PTPRD: variants seen among roughly 807,000 people sequenced by gnomAD.
The protein encoded by PTPRD is protein tyrosine phosphatase receptor type D.
A neutral mutation model predicts 214.5 loss-of-function variants in PTPRD; 34 were observed. The ratio of observed to expected loss-of-function variants is 0.16; its 90% CI spans 0.12 to 0.21. The LOEUF is 0.21. PTPRD is among the 10% of genes least tolerant of loss of function. The probability of loss-of-function intolerance (pLI) is 1.00; values close to 1 mark genes in which losing one functional copy is unlikely to be tolerated. For missense variants in PTPRD, 2,545 were observed against 2,398.7 expected, an observed-to-expected ratio of 1.06 and a Z score of -1.27; for synonymous variants, 1,128 against 845.7, an observed-to-expected ratio of 1.33 and a Z score of -5.79.
intron 3 of PTPRD, among the ~76,000 whole-genome samples, chr9:10,075,639 G>C (rs995592992): frequency 2.0e-5 from 3 of 151,802 alleles, no homozygotes; most frequent in African/African-American, 7.3e-5. Context: ...TTTGCTCAAT[G>C]AATACATCAT....
chr9:9,021,838 A>G (rs2099570856), intron 10 of PTPRD, among the ~76,000 whole-genome samples: 1 of 152,216 alleles, frequency 6.6e-6, no homozygotes, highest in Non-Finnish European at 1.5e-5. Flanking sequence ...GTACAGCTGT[A>G]CAATGTGTGC....
chr9:9,403,754 T>C (rs1472499503), intron 8 of PTPRD, among the ~76,000 whole-genome samples: 1 of 152,136 alleles, frequency 6.6e-6, no homozygotes, highest in African/African-American at 2.4e-5. Flanking sequence ...TTTTGTATTC[T>C]ATTTTAGGCA....
At chr9:8,831,990 A>G (rs1601270637) in intron 11 of PTPRD, among the ~76,000 whole-genome samples, 1 of 152,048 alleles carries the variant, frequency 6.6e-6, no homozygotes, top group East Asian at 1.9e-4. Flanking sequence ...CAGGAAAATT[A>G]TTTGAACAGC....
chr9:8,339,829 G>GTATT (rs959577539), intron 42 of PTPRD, among the ~76,000 whole-genome samples: 29 of 108,510 alleles, frequency 2.7e-4, no homozygotes, highest in African/African-American at 9.3e-4. Flanking sequence ...TATTTTATGT[G>GTATT]TATTTCAAAA....
At chr9:10,357,534 G>C (rs185879825) in intron 2 of PTPRD, among the ~76,000 whole-genome samples, 1 of 152,146 alleles carries the variant, frequency 6.6e-6, no homozygotes, top group Non-Finnish European at 1.5e-5. Context: ...CAGCTAATAC[G>C]TATGCAAAGT....
At chr9:8,412,460 C>G (rs1432112466) in intron 35 of PTPRD, among the ~76,000 whole-genome samples, 1 of 152,090 alleles carries the variant, frequency 6.6e-6, no homozygotes, top group Non-Finnish European at 1.5e-5. Context: ...CCATGGATAA[C>G]AAGGTCCCAG....
At chr9:9,809,047 G>A (rs9407441) in intron 5 of PTPRD, among the ~76,000 whole-genome samples, 85,303 of 150,764 alleles carry the variant, frequency 0.57, 26,955 homozygotes, top group East Asian at 0.88. Flanking sequence ...TAGTCTCACA[G>A]AGACCTAGGA....
intron 2 of PTPRD, among the ~76,000 whole-genome samples, chr9:10,461,756 G>A (rs1294143550): frequency 6.6e-6 from 1 of 151,924 alleles, no homozygotes; most frequent in South Asian, 2.1e-4. Context: ...CTGAGTAACT[G>A]GGATTACAGG....
chr9:8,974,894 C>T (rs991295223), intron 11 of PTPRD, among the ~76,000 whole-genome samples: 1 of 151,446 alleles, frequency 6.6e-6, no homozygotes, highest in Non-Finnish European at 1.5e-5. Flanking sequence ...GTCAGGAGTT[C>T]GAGACCAGCC....
At chr9:10,253,920 C>A (rs1012191035) in intron 3 of PTPRD, among the ~76,000 whole-genome samples, 12 of 152,132 alleles carry the variant, frequency 7.9e-5, no homozygotes, top group African/African-American at 1.4e-4. Context: ...GCCAGCAATG[C>A]AGCTTTTTTA....
Position 9,288,173 on chromosome 9 carries a change from G to T in PTPRD, c.-202-104810C>A, listed in dbSNP as rs968052662. On this transcript the variant is annotated intron_variant, in intron 9 of 45. Coordinates refer to ENST00000381196, the MANE Select transcript of PTPRD (RefSeq NM_002839.4). ...TCCTATAAAAGGAATGTTTTATAAA[G>T]ATTTTTTCTTCATTATATCTTAAGA... 2.6e-5 allele frequency among the ~76,000 whole-genome samples: 4 copies of T among 151,664 alleles called. No individual in the cohort carries two copies. In the East Asian group the frequency reaches 5.9e-4, roughly 22 times the overall value.
chr9:10,347,286 T>A (rs2097101426), intron 2 of PTPRD, among the ~76,000 whole-genome samples: 1 of 152,208 alleles, frequency 6.6e-6, no homozygotes, highest in Admixed American at 6.5e-5. Context: ...TATTTCTTTG[T>A]AAATAAAATT....
chr9:10,312,131 C>T (rs2096282131), intron 3 of PTPRD, among the ~76,000 whole-genome samples: 1 of 151,922 alleles, frequency 6.6e-6, no homozygotes. Flanking sequence ...AGTAGTCAGA[C>T]ATGATTTGGT....
At chr9:8,553,160 T>C (rs1465661320) in intron 14 of PTPRD, among the ~76,000 whole-genome samples, 1 of 152,206 alleles carries the variant, frequency 6.6e-6, no homozygotes, top group Non-Finnish European at 1.5e-5. Context: ...CTTTACAAAG[T>C]ATATTATGGC....
chr9:8,486,548 C>A, intron 27 of PTPRD, 199 bp from the exon 28 acceptor site: 1 of 701,620 alleles, frequency 1.4e-6, no homozygotes, highest in Non-Finnish European at 2.6e-6. Context: ...GGCTGAGATA[C>A]TAGAATTTGA....
At chr9:9,515,182 CT>C (rs1272920209) in intron 8 of PTPRD, among the ~76,000 whole-genome samples, 4 of 152,030 alleles carry the variant, frequency 2.6e-5, no homozygotes, top group African/African-American at 9.7e-5. Flanking sequence ...GTATAGAAGT[CT>C]TTTGTAAACA....
At chr9:9,536,644 C>T (rs769660049) in intron 8 of PTPRD, among the ~76,000 whole-genome samples, 5 of 152,106 alleles carry the variant, frequency 3.3e-5, no homozygotes, top group South Asian at 2.1e-4. Flanking sequence ...AGGTAAGCAG[C>T]GCCGTCATCA....
intron 7 of PTPRD, among the ~76,000 whole-genome samples, chr9:9,625,384 G>C (rs2095388387): frequency 6.6e-6 from 1 of 152,154 alleles, no homozygotes; most frequent in African/African-American, 2.4e-5. Context: ...GGCGCATGCT[G>C]TTAGAGTGGC....
At chr9:9,110,156 A>G (rs2099804051) in intron 10 of PTPRD, among the ~76,000 whole-genome samples, 1 of 152,252 alleles carries the variant, frequency 6.6e-6, no homozygotes, top group Middle Eastern at 3.4e-3. Flanking sequence ...TTTAAAGGAT[A>G]GTAGTATGTA....
Sources: gnomAD v4.1 joint callset for allele counts (sites outside exome capture counted in the v4.1 genomes callset) on GRCh38, gnomAD v4.1.1 for gene constraint, MANE v1.5 for transcripts, NCBI Gene and HGNC (gene_info 2026-07-23, HGNC 2026-07-21) for gene names.